The following LONP2 variants were observed in gnomAD, a reference collection of about 807,000 sequenced individuals.
LONP2 encodes the protein lon protease homolog 2, peroxisomal.
A neutral mutation model predicts 85.6 loss-of-function variants in LONP2; 60 were observed. The observed-to-expected ratio is 0.70, with a 90% CI of 0.57 to 0.87. The LOEUF (loss-of-function observed/expected upper bound fraction) is 0.87, where lower values mean the gene tolerates loss of function less well. LONP2 is among the 40% of genes least tolerant of loss of function. The pLI, the probability that LONP2 is intolerant of heterozygous loss-of-function variation, is 0.00. For missense variants in LONP2, 860 were observed against 1,063.5 expected (o/e 0.81, Z 2.66); for synonymous variants, 395 against 389.7 (o/e 1.01, Z -0.16).
At chr16:48,293,198 G>T (rs1283854162) in intron 8 of LONP2, among the ~76,000 whole-genome samples, 2 of 152,142 alleles carry the variant, frequency 1.3e-5, no homozygotes, top group African/African-American at 2.4e-5. Flanking sequence ...GGAGGCCGAG[G>T]TGGGCAGATC....
chr16:48,338,858 A>G (rs879538198), intron 12 of LONP2, among the ~76,000 whole-genome samples: 1 of 152,212 alleles, frequency 6.6e-6, no homozygotes, highest in Non-Finnish European at 1.5e-5. Context: ...CAATGAGCCA[A>G]GATCACGCCA....
At position 48,356,537 on chromosome 16, in the gene LONP2, TAC is replaced by T. The variant is rs1419437794; in HGVS notation, c.*4737_*4738del. ...TAAAAAAAAAAAAAAAAAAAAAGACTACAGTTAGTCATTATCCAATTTGATGA... is the reference window on the plus strand; with the variant it reads ...TAAAAAAAAAAAAAAAAAAAAAGACTAGTTAGTCATTATCCAATTTGATGA... On this transcript the variant is annotated 3_prime_UTR_variant, in exon 15 of 15. Coordinates refer to ENST00000285737, the MANE Select transcript of LONP2 (RefSeq NM_031490.5). The T allele has an allele frequency of 2.1e-5, 3 of 146,214 alleles. No individual in the cohort carries two copies. Among genetic ancestry groups the T allele is most frequent in the Admixed American group, 6.9e-5 (1 of 14,552 alleles). The allele number at this position is 146,214 out of a possible 1,614,324, so 9.1% of individuals were successfully genotyped here.
At chr16:48,270,377 G>T (rs371402549) in intron 7 of LONP2, 103 bp downstream of exon 7, 2 of 1,223,808 alleles carry the variant, frequency 1.6e-6, no homozygotes, top group African/African-American at 1.5e-5. Flanking sequence ...TCCTTAAAGG[G>T]CTATGTGTGG....
At chr16:48,292,566 A>G (rs181695963) in intron 8 of LONP2, among the ~76,000 whole-genome samples, 2 of 152,302 alleles carry the variant, frequency 1.3e-5, no homozygotes, top group East Asian at 3.9e-4. Flanking sequence ...CTCCTTACAT[A>G]TTAATATTTT....
At chr16:48,283,206 T>C (rs1205761252) in intron 8 of LONP2, among the ~76,000 whole-genome samples, 1 of 152,176 alleles carries the variant, frequency 6.6e-6, no homozygotes, top group East Asian at 1.9e-4. Context: ...CAACATAAAG[T>C]GCAAAGGGAA....
rs116537095 is a variant in LONP2, at chr16:48,255,053, T to C, written c.469-1557T>C. On this transcript the variant is annotated intron_variant, in intron 2 of 14. Coordinates refer to ENST00000285737, the MANE Select transcript of LONP2 (RefSeq NM_031490.5). ...GATGTTGTTGGAGAGGTTTGAATAT[T>C]ACTAGCACATGAAATCTGATTTGAA... 2.2e-3 allele frequency among the ~76,000 whole-genome samples: 339 copies of C among 152,336 alleles called. 2 individuals carry two copies. Among genetic ancestry groups the C allele is most frequent in the African/African-American group, 7.5e-3 (313 of 41,566 alleles).
At chr16:48,285,960 C>T (rs556219328) in intron 8 of LONP2, among the ~76,000 whole-genome samples, 3 of 152,120 alleles carry the variant, frequency 2.0e-5, no homozygotes, top group Admixed American at 1.3e-4. Flanking sequence ...CTCCCTCCCT[C>T]AGTCCCTGGC....
At chr16:48,294,201 A>G (rs1488684874) in intron 8 of LONP2, among the ~76,000 whole-genome samples, 1 of 152,098 alleles carries the variant, frequency 6.6e-6, no homozygotes, top group Non-Finnish European at 1.5e-5. Context: ...TCGGCCTCCC[A>G]AAGTACTTGG....
Position 48,299,672 on chromosome 16 carries a change from G to A in LONP2, c.1545G>A (p.Gln515=), listed in dbSNP as rs1272868517. The change falls in exon 10 of 15, where the codon CAG becomes CAA. Residue 515 remains glutamine (Q), a synonymous_variant. Transcript: ENST00000285737. ...MEIIQVPGYT[Q]EEKIEIAHRH... is the part of the protein sequence containing the mutation. ...TCTCTTCTTTTCCAGGTTATACACAGGAGGAGAAGATAGAGATTGCCCATA... is the reference window on the plus strand; with the variant it reads ...TCTCTTCTTTTCCAGGTTATACACAAGAGGAGAAGATAGAGATTGCCCATA... 6.2e-7 allele frequency: 1 copy of A among 1,613,170 alleles called. No individual in the cohort carries two copies. Among genetic ancestry groups the A allele is most frequent in the Non-Finnish European group, 8.5e-7 (1 of 1,179,668 alleles).
intron 12 of LONP2, chr16:48,334,755 A>G: frequency 5.5e-6 from 3 of 549,280 alleles, no homozygotes; most frequent in Non-Finnish European, 7.3e-6. Flanking sequence ...AAGATGCCCT[A>G]CCTGTCTTGA....
chr16:48,351,460 G>A (rs75367537), intron 14 of LONP2, 121 bp from the exon 15 acceptor site: 26,499 of 740,376 alleles, frequency 0.036, 629 homozygotes, highest in Non-Finnish European at 0.044. Context: ...ATAACAAAAC[G>A]GAAGATGATT....
At chr16:48,346,570 A>G (rs1054471776) in intron 12 of LONP2, among the ~76,000 whole-genome samples, 3 of 152,130 alleles carry the variant, frequency 2.0e-5, no homozygotes, top group African/African-American at 7.2e-5. Flanking sequence ...GTTAAAGGTA[A>G]GCGGTGGAGA....
intron 5 of LONP2, among the ~76,000 whole-genome samples, chr16:48,261,985 A>G (rs1256144375): frequency 2.0e-5 from 3 of 152,160 alleles, no homozygotes; most frequent in Non-Finnish European, 4.4e-5. Flanking sequence ...TTTCCTTTGC[A>G]TACTTTTAAC....
intron 6 of LONP2, among the ~76,000 whole-genome samples, chr16:48,266,252 G>A (rs1971987592): frequency 6.6e-6 from 1 of 151,698 alleles, no homozygotes; most frequent in African/African-American, 2.4e-5. Flanking sequence ...TGATCCACCT[G>A]CCTCGGCCTC....
At chr16:48,278,282 C>T (rs1972256778) in intron 8 of LONP2, among the ~76,000 whole-genome samples, 1 of 152,096 alleles carries the variant, frequency 6.6e-6, no homozygotes, top group African/African-American at 2.4e-5. Flanking sequence ...TCCATTTTAT[C>T]TTCTTAAGCG....
Position 48,351,714 on chromosome 16 carries a change from C to G in LONP2, c.2471C>G (p.Ala824Gly), listed in dbSNP as rs139067212. 3 of 1,614,084 alleles carry G rather than the reference C, an allele frequency of 1.9e-6. No individual in the cohort carries two copies. The highest frequency in any genetic ancestry group is 2.7e-5 in the African/African-American group (2 of 74,924). ...CGACAGGATTTAAGTTTTGTCACAG[C>G]AAGCTGCCTGGATGAGGTTCTTAAT... Reference protein sequence around the residue: ...NVRQDLSFVTASCLDEVLNAA... With the variant: ...NVRQDLSFVTGSCLDEVLNAA... The change falls in exon 15 of 15, where the codon GCA becomes GGA. Residue 824 changes from alanine (A) to glycine (G), a missense_variant. Around this residue, in one of 3 missense-constraint regions of LONP2, gnomAD observed 115 missense variants for 129.0 expected, o/e 0.89. Coordinates refer to ENST00000285737, the MANE Select transcript of LONP2 (RefSeq NM_031490.5).
chr16:48,281,515 A>G (rs992084961), intron 8 of LONP2, among the ~76,000 whole-genome samples: 6 of 152,196 alleles, frequency 3.9e-5, no homozygotes, highest in Non-Finnish European at 7.4e-5. Context: ...GTATGTAATT[A>G]ATAGACTTGA....
At chr16:48,250,211 A>G (rs977148568) in intron 1 of LONP2, among the ~76,000 whole-genome samples, 1 of 150,416 alleles carries the variant, frequency 6.6e-6, no homozygotes, top group African/African-American at 2.5e-5. Flanking sequence ...AAAAAACCAC[A>G]GTGGCTCACA....
chr16:48,299,778 A>G lies in LONP2; in HGVS notation c.1651A>G (p.Ile551Val), dbSNP rs1339300715. The G allele has an allele frequency of 1.9e-6, 3 of 1,610,686 alleles. No homozygotes were observed. The highest frequency in any genetic ancestry group is 2.5e-6 in the Non-Finnish European group (3 of 1,179,036). ...GATACCCCAGGTCACCACTCTTGAC[A>G]TCATCACCAGGTTAGTTAGCCATCC... ...IQIPQVTTLD[I>V]ITRYTREAGV... The change falls in exon 10 of 15, where the codon ATC becomes GTC. Residue 551 changes from isoleucine (I) to valine (V), a missense_variant. Transcript: ENST00000285737.
Sources: allele counts gnomAD v4.1 joint callset (sites outside exome capture counted in the v4.1 genomes callset), GRCh38; gene constraint gnomAD v4.1.1; regional missense constraint gnomAD v4.1.1; transcripts MANE v1.5; gene names NCBI Gene and HGNC (gene_info 2026-07-23, HGNC 2026-07-21).